PAPLN: variants seen among roughly 807,000 people sequenced by gnomAD.
PAPLN encodes papilin, proteoglycan like sulfated glycoprotein.
PAPLN carries 146 observed loss-of-function variants against 159.0 expected under a neutral mutation model. That is an observed-to-expected ratio of 0.92 (90% confidence interval 0.80 to 1.05). PAPLN has a LOEUF of 1.05. PAPLN is among the 50% of genes least tolerant of loss of function. The pLI, the probability that PAPLN is intolerant of heterozygous loss-of-function variation, is 0.00. For synonymous variants in PAPLN, 734 were observed against 702.9 expected (o/e 1.04, Z -0.70); for missense variants, 1,720 against 1,743.9 (o/e 0.99, Z 0.24).
intron 20 of PAPLN, 90 bp from the exon 21 acceptor site, chr14:73,264,121 C>T (rs1287480360): frequency 1.6e-5 from 26 of 1,598,744 alleles, no homozygotes; most frequent in Non-Finnish European, 2.0e-5. Flanking sequence ...AGACTCTGGT[C>T]CCCTCTGGCA....
chr14:73,246,107 A>C lies in PAPLN; in HGVS notation c.266A>C (p.Glu89Ala). The change falls in exon 5 of 27, where the codon GAG becomes GCG. Residue 89 changes from glutamate (E) to alanine (A), a missense_variant. Physicochemically the swap from Glu to Ala is moderately radical, Grantham distance 107. Transcript: ENST00000644200. ...GACGGCGCCCGGGACTTCCGGGCCG[A>C]GCAGTGCGCGGAGTTCGACGGAGCG... Reference protein sequence around the residue: ...CPDGARDFRAEQCAEFDGAEF... With the variant: ...CPDGARDFRAAQCAEFDGAEF... 2 of 1,587,424 alleles carry C rather than the reference A, an allele frequency of 1.3e-6. No individual in the cohort carries two copies. The highest frequency in any genetic ancestry group is 1.7e-6 in the Non-Finnish European group (2 of 1,169,250).
chr14:73,254,949 G>A lies in PAPLN; in HGVS notation c.1558G>A (p.Gly520Arg), dbSNP rs747961485. The A allele has an allele frequency of 1.5e-5, 24 of 1,613,658 alleles. No homozygotes were observed. In the Admixed American group the frequency reaches 2.2e-4, roughly 15 times the overall value. The change falls in exon 14 of 27, where the codon GGG (glycine) becomes AGG (arginine). Residue 520 changes from glycine to arginine, a missense_variant. Transcript: ENST00000644200. ...TGCCATTGGGCCGCCCAGCCACTGC[G>A]GGAGCCTGCAGCACTCCAAGCCTGT... Reference protein sequence around the residue: ...ICAIGPPSHCGSLQHSKPVDV... With the variant: ...ICAIGPPSHCRSLQHSKPVDV...
Position 73,245,473 on chromosome 14 carries a change from T to C in PAPLN, c.171-163T>C. Reference sequence around the variant, plus strand: ...TCTCTGGAGTACCAACATGGGTCGCTCACTCCCACCTGGGGGATTTACGGG... The same window carrying C: ...TCTCTGGAGTACCAACATGGGTCGCCCACTCCCACCTGGGGGATTTACGGG... On this transcript the variant is annotated intron_variant, in intron 3 of 26. Transcript: ENST00000644200. The surrounding 1 kb of genome is among the most constrained non-coding windows in gnomAD (Gnocchi z 4.2). 1 of 709,498 alleles carries C rather than the reference T, an allele frequency of 1.4e-6. No individual in the cohort carries two copies. The highest frequency in any genetic ancestry group is 2.3e-6 in the Non-Finnish European group (1 of 434,056). The allele number at this position is 709,498 out of a possible 1,614,324, so 44.0% of individuals were successfully genotyped here. A position where few individuals can be genotyped will look rare whatever the true frequency, so the allele number is the denominator to read the frequency against.
At chr14:73,267,626 C>T (rs770573993) in intron 25 of PAPLN, among the ~76,000 whole-genome samples, 5 of 152,338 alleles carry the variant, frequency 3.3e-5, no homozygotes, top group Non-Finnish European at 5.9e-5. Context: ...GGATAGGAAC[C>T]GGCCTGTGCA....
chr14:73,248,660 A>G (rs1884881651), intron 5 of PAPLN, among the ~76,000 whole-genome samples: 1 of 151,918 alleles, frequency 6.6e-6, no homozygotes, highest in African/African-American at 2.4e-5. Flanking sequence ...AAGATTAGCC[A>G]GGCATACAAA....
intron 5 of PAPLN, among the ~76,000 whole-genome samples, chr14:73,249,000 A>G (rs1367354503): frequency 6.6e-6 from 1 of 152,080 alleles, no homozygotes; most frequent in Admixed American, 6.6e-5. Context: ...GTATGATGGC[A>G]TGTGCCTATA....
chr14:73,249,490 A>G (rs539362524), intron 5 of PAPLN, among the ~76,000 whole-genome samples: 3 of 152,104 alleles, frequency 2.0e-5, no homozygotes, highest in South Asian at 2.1e-4. Flanking sequence ...CCTGCCCAAC[A>G]TGGTGAAACC....
intron 22 of PAPLN, 105 bp downstream of exon 22, chr14:73,264,831 C>T: frequency 1.3e-6 from 2 of 1,549,488 alleles, no homozygotes; most frequent in Non-Finnish European, 1.7e-6. Flanking sequence ...GCCTTGCCAG[C>T]CCCTGCTCAG....
At chr14:73,240,912 G>A (rs1179073898) in intron 2 of PAPLN, among the ~76,000 whole-genome samples, 1 of 152,152 alleles carries the variant, frequency 6.6e-6, no homozygotes, top group Admixed American at 6.5e-5. Flanking sequence ...AATCTCCCAG[G>A]GTGACCCACA....
intron 18 of PAPLN, among the ~76,000 whole-genome samples, chr14:73,261,755 C>T (rs184230215): frequency 7.9e-5 from 12 of 152,304 alleles, no homozygotes; most frequent in Admixed American, 5.2e-4. Flanking sequence ...GGAACCATCA[C>T]GAGGACCTCA....
intron 19 of PAPLN, chr14:73,263,271 A>G (rs564238155): frequency 5.5e-6 from 2 of 363,978 alleles, no homozygotes; most frequent in South Asian, 5.5e-5. Flanking sequence ...TTAATGAAGG[A>G]TTTGGGAAGG....
intron 11 of PAPLN, 100 bp from the exon 12 acceptor site, chr14:73,253,654 G>A (rs1013957385): frequency 8.9e-6 from 10 of 1,123,222 alleles, no homozygotes; most frequent in Non-Finnish European, 1.1e-5. Context: ...GCTGGGGTGG[G>A]GGTCCTCAGG....
intron 25 of PAPLN, among the ~76,000 whole-genome samples, chr14:73,267,467 G>C (rs555638150): frequency 6.6e-6 from 1 of 152,322 alleles, no homozygotes; most frequent in South Asian, 2.1e-4. Context: ...GATGTGTTTT[G>C]TTGCAACTGC....
rs113018929 is a variant in PAPLN at position 73,259,152 on chromosome 14, A to G, written c.1708+93A>G. The G allele has an allele frequency of 7.3e-5, 111 of 1,528,680 alleles. No individual in the cohort carries two copies. In the African/African-American group the frequency reaches 9.6e-4, roughly 13 times the overall value. The allele number at this position is 1,528,680 out of a possible 1,614,324, so 94.7% of individuals were successfully genotyped here. A position where few individuals can be genotyped will look rare whatever the true frequency, so the allele number is the denominator to read the frequency against. On this transcript the variant is annotated intron_variant, in intron 15 of 26. Coordinates refer to ENST00000644200, the MANE Select transcript of PAPLN (RefSeq NM_001365906.3). The stretch of plus-strand genomic sequence containing the variant: ...GGGTGTGGGGGTCACAGTTGGGTGC[A>G]GCCATGGTGGAAGGGAGAATGGTCC...
At chr14:73,261,021 C>T (rs1886518389) in intron 17 of PAPLN, 135 bp from the exon 18 acceptor site, 3 of 1,476,922 alleles carry the variant, frequency 2.0e-6, no homozygotes, top group South Asian at 2.6e-5. Flanking sequence ...TTTCATCCAA[C>T]ATTCTCCTGG....
In PAPLN at chr14:73,245,828, A is replaced by G; in HGVS notation, c.231+132A>G. The G allele has an allele frequency of 8.2e-7, 1 of 1,226,846 alleles. No individual in the cohort carries two copies. The highest frequency in any genetic ancestry group is 1.1e-6 in the Non-Finnish European group (1 of 888,598). The allele number at this position is 1,226,846 out of a possible 1,614,324, so 76.0% of individuals were successfully genotyped here. On this transcript the variant is annotated intron_variant, in intron 4 of 26. Coordinates refer to ENST00000644200, the MANE Select transcript of PAPLN (RefSeq NM_001365906.3). This position sits in a 1 kb window ranked among gnomAD's most constrained non-coding sequence, Gnocchi z 4.2. ...GCCTGGGGTCCTCCCGCCAATCCAC[A>G]GCAGGGCTGCGTGGGGGCCCCTTCC...
intron 21 of PAPLN, 92 bp from the exon 22 acceptor site, chr14:73,264,496 C>A: frequency 6.6e-7 from 1 of 1,524,340 alleles, no homozygotes; most frequent in Non-Finnish European, 8.8e-7. Flanking sequence ...GCCCTCATTT[C>A]TCCGTAAGTC....
intron 11 of PAPLN, chr14:73,253,335 G>A (rs1786552506): frequency 9.8e-7 from 1 of 1,023,876 alleles, no homozygotes; most frequent in Non-Finnish European, 1.3e-6. Context: ...TTTGCATGGG[G>A]CCACAGGGCT....
At chr14:73,247,840 G>GTGTGT (rs1884678772) in intron 5 of PAPLN, among the ~76,000 whole-genome samples, 1 of 106,760 alleles carries the variant, frequency 9.4e-6, no homozygotes, top group Non-Finnish European at 1.9e-5. Context: ...GTGTGTGTGT[G>GTGTGT]GTGGCGATCG....
Sources: gnomAD v4.1 joint callset for allele counts (sites outside exome capture counted in the v4.1 genomes callset) on GRCh38, gnomAD v4.1.1 for gene constraint, Gnocchi (gnomAD v3.1) non-coding constraint, MANE v1.5 for transcripts, NCBI Gene and HGNC (gene_info 2026-07-23, HGNC 2026-07-21) for gene names.